TBC1D8: variants seen among roughly 807,000 people sequenced by gnomAD.
TBC1D8 encodes the protein BUB2-like protein 1.
In TBC1D8, 65 loss-of-function variants were observed where a neutral mutation model predicts 118.8. The ratio of observed to expected loss-of-function variants is 0.55; its 90% CI spans 0.45 to 0.67. The LOEUF is 0.67. Among genes scored for constraint, TBC1D8 ranks in the 30% least tolerant of loss-of-function variants. The pLI, the probability that TBC1D8 is intolerant of heterozygous loss-of-function variation, is 0.00. For synonymous variants in TBC1D8, 566 were observed against 595.8 expected (o/e 0.95, Z 0.73); for missense variants, 1,376 against 1,471.2 (o/e 0.94, Z 1.06).
At chr2:101,008,755 T>TAGTC (rs1678944625) in intron 19 of TBC1D8, among the ~76,000 whole-genome samples, 1 of 151,308 alleles carries the variant, frequency 6.6e-6, no homozygotes, top group Non-Finnish European at 1.5e-5. Context: ...AAGGTTGTGG[T>TAGTC]AGTCAAGATC....
intron 1 of TBC1D8, among the ~76,000 whole-genome samples, chr2:101,135,742 A>G (rs1297645406): frequency 6.6e-6 from 1 of 152,236 alleles, no homozygotes; most frequent in Non-Finnish European, 1.5e-5. Flanking sequence ...TGATAACATG[A>G]GCAGATTGCA....
chr2:101,011,194 G>T, intron 18 of TBC1D8, 168 bp from the exon 19 acceptor site: 2 of 721,124 alleles, frequency 2.8e-6, no homozygotes, highest in Non-Finnish European at 2.3e-6. Flanking sequence ...GGTGGTAACT[G>T]GGGGACTTCT....
At chr2:101,080,563 C>G (rs898525654) in intron 2 of TBC1D8, among the ~76,000 whole-genome samples, 3 of 152,170 alleles carry the variant, frequency 2.0e-5, no homozygotes, top group Non-Finnish European at 4.4e-5. Context: ...TCAGAAAGAA[C>G]GCTCTGAAAG....
At chr2:101,072,649 C>T (rs898038148) in intron 2 of TBC1D8, among the ~76,000 whole-genome samples, 1 of 152,102 alleles carries the variant, frequency 6.6e-6, no homozygotes, top group Non-Finnish European at 1.5e-5. Flanking sequence ...ACCCAGATGC[C>T]TCGCATGCAC....
intron 1 of TBC1D8, among the ~76,000 whole-genome samples, chr2:101,120,476 T>G (rs755462609): frequency 3.3e-5 from 5 of 152,190 alleles, no homozygotes; most frequent in Admixed American, 6.5e-5. Flanking sequence ...GCCAAGGGTA[T>G]GAACCACTGT....
intron 3 of TBC1D8, among the ~76,000 whole-genome samples, chr2:101,059,046 A>T (rs1416644601): frequency 6.6e-6 from 1 of 151,906 alleles, no homozygotes; most frequent in Non-Finnish European, 1.5e-5. Flanking sequence ...GCTGGACTAC[A>T]GGTGCCCGCC....
chr2:101,120,808 G>A (rs936444995), intron 1 of TBC1D8, among the ~76,000 whole-genome samples: 1 of 152,200 alleles, frequency 6.6e-6, no homozygotes. Flanking sequence ...ACAACCACGG[G>A]CTAGGGACAT....
chr2:101,090,072 G>A lies in TBC1D8; in HGVS notation c.283+137C>T. The A allele has an allele frequency of 5.0e-6, 4 of 801,722 alleles. No homozygotes were observed. The Admixed American group carries it at 1.1e-4, about 22-fold the overall frequency. 49.7% of individuals were successfully genotyped at this position (801,722 alleles called of 1,614,324 possible). A position where few individuals can be genotyped will look rare whatever the true frequency, so the allele number is the denominator to read the frequency against. On this transcript the variant is annotated intron_variant, in intron 2 of 19. Coordinates refer to ENST00000409318, the MANE Select transcript of TBC1D8 (RefSeq NM_001330348.2). ...GAGGGAAGGGGAAGGAAGGGGAGTG[G>A]AGGGGAGGGGAGTTAAGTTCCTGAA...
chr2:101,069,782 T>C (rs1198835830), intron 2 of TBC1D8, among the ~76,000 whole-genome samples: 3 of 152,178 alleles, frequency 2.0e-5, no homozygotes, highest in South Asian at 4.1e-4. Flanking sequence ...CCAAATTTTA[T>C]GGGATTTTTT....
chr2:101,027,325 C>T, intron 15 of TBC1D8, 58 bp downstream of exon 15: 1 of 1,524,404 alleles, frequency 6.6e-7, no homozygotes, highest in Non-Finnish European at 9.1e-7. Context: ...GCAGGCTGGG[C>T]ACCGCGGCTC....
At chr2:101,011,665 G>C (rs990331365) in intron 17 of TBC1D8, 125 bp from the exon 18 acceptor site, 6 of 951,632 alleles carry the variant, frequency 6.3e-6, no homozygotes, top group Middle Eastern at 2.1e-4. Context: ...TGTAGTTTTT[G>C]CAGGGTCCAC....
intron 2 of TBC1D8, among the ~76,000 whole-genome samples, 182 bp downstream of exon 2, chr2:101,090,027 C>T (rs1675917248): frequency 9.6e-6 from 1 of 103,796 alleles, no homozygotes; most frequent in South Asian, 3.0e-4. Flanking sequence ...AAGAGGAGGG[C>T]AGGGGAGAGG....
chr2:101,090,466 A>G, intron 1 of TBC1D8, 102 bp from the exon 2 acceptor site: 1 of 1,261,500 alleles, frequency 7.9e-7, no homozygotes, highest in Non-Finnish European at 1.1e-6. Context: ...ATGCTGGGGT[A>G]GCAGAGACAG....
At chr2:101,020,779 T>C (rs979738978) in intron 17 of TBC1D8, among the ~76,000 whole-genome samples, 3 of 152,164 alleles carry the variant, frequency 2.0e-5, no homozygotes, top group Non-Finnish European at 4.4e-5. Context: ...TATTTTGAAA[T>C]CTTGCACTGT....
At chr2:101,067,112 G>A (rs570936562) in intron 2 of TBC1D8, among the ~76,000 whole-genome samples, 14 of 152,258 alleles carry the variant, frequency 9.2e-5, no homozygotes, top group Non-Finnish European at 5.9e-5. Context: ...CAGTGGCTAT[G>A]GGAGGAAGGT....
intron 17 of TBC1D8, among the ~76,000 whole-genome samples, chr2:101,016,682 C>G (rs1573868067): frequency 6.6e-6 from 1 of 152,264 alleles, no homozygotes; most frequent in Middle Eastern, 3.4e-3. Flanking sequence ...CCCAAATGTC[C>G]AACAAGGATA....
rs367581764 is a variant in TBC1D8, at chr2:101,038,524, C to T, written c.1212G>A (p.Ala404=). The T allele has an allele frequency of 1.5e-5, 24 of 1,613,726 alleles. No homozygotes were observed. In the African/African-American group the frequency reaches 1.9e-4, roughly 13 times the overall value. The change falls in exon 7 of 20, where the codon GCG becomes GCA. Residue 404 remains alanine, a synonymous_variant. Coordinates refer to ENST00000409318, the MANE Select transcript of TBC1D8 (RefSeq NM_001330348.2). Reference sequence around the variant, plus strand: ...GGTTGGCGTGGACCTGCTTCAACCTCGCAAGCAGCGCCTCCACCAGGCTGT... The same window carrying T: ...GGTTGGCGTGGACCTGCTTCAACCTTGCAAGCAGCGCCTCCACCAGGCTGT... The part of the protein sequence containing the change: ...DRDSLVEALL[A]RLKQVHANHP...
intron 1 of TBC1D8, among the ~76,000 whole-genome samples, chr2:101,136,297 T>C (rs1351399012): frequency 6.6e-6 from 1 of 152,122 alleles, no homozygotes; most frequent in Non-Finnish European, 1.5e-5. Flanking sequence ...TAAGAACTGA[T>C]TGTTAAAACG....
At chr2:101,086,468 A>G (rs1675637416) in intron 2 of TBC1D8, among the ~76,000 whole-genome samples, 1 of 152,232 alleles carries the variant, frequency 6.6e-6, no homozygotes, top group African/African-American at 2.4e-5. Context: ...AAAACATGTA[A>G]CACACTATGC....
Sources: allele counts gnomAD v4.1 joint callset (sites outside exome capture counted in the v4.1 genomes callset), GRCh38; gene constraint gnomAD v4.1.1; transcripts MANE v1.5; gene names NCBI Gene and HGNC (gene_info 2026-07-23, HGNC 2026-07-21).